The following CCSER1 variants were observed in gnomAD, a reference collection of about 807,000 sequenced individuals.
CCSER1 encodes serine-rich coiled-coil domain-containing protein 1.
A neutral mutation model predicts 82.0 loss-of-function variants in CCSER1; 41 were observed. The observed-to-expected ratio is 0.50, with a 90% CI of 0.39 to 0.65. The LOEUF is 0.65. CCSER1 is among the 30% of genes least tolerant of loss of function. The pLI, the probability that CCSER1 is intolerant of heterozygous loss-of-function variation, is 0.00. For missense variants in CCSER1, 1,119 were observed against 1,064.2 expected (o/e 1.05, Z -0.72); for synonymous variants, 414 against 383.9 (o/e 1.08, Z -0.92).
chr4:90,559,064 G>A (rs1382125423), intron 5 of CCSER1, among the ~76,000 whole-genome samples: 2 of 152,142 alleles, frequency 1.3e-5, no homozygotes, highest in Non-Finnish European at 2.9e-5. Context: ...GTCTGCCAGG[G>A]TCCATTGCAC....
intron 10 of CCSER1, among the ~76,000 whole-genome samples, chr4:91,321,456 T>C (rs1041521793): frequency 3.3e-5 from 5 of 152,058 alleles, no homozygotes; most frequent in East Asian, 3.9e-4. Context: ...AAGGTGCCGA[T>C]TGCAGCTTAA....
intron 8 of CCSER1, among the ~76,000 whole-genome samples, chr4:90,835,105 A>G (rs1053618175): frequency 2.0e-5 from 3 of 152,038 alleles, no homozygotes; most frequent in South Asian, 2.1e-4. Flanking sequence ...GCCGAGGCGG[A>G]TGGATCACGA....
At chr4:90,889,459 A>T (rs1561311227) in intron 8 of CCSER1, among the ~76,000 whole-genome samples, 1 of 152,156 alleles carries the variant, frequency 6.6e-6, no homozygotes, top group Non-Finnish European at 1.5e-5. Context: ...TACTCAGATG[A>T]TTAATTTCTG....
intron 7 of CCSER1, among the ~76,000 whole-genome samples, chr4:90,758,170 C>T (rs556631738): frequency 1.2e-3 from 184 of 152,228 alleles, no homozygotes; most frequent in African/African-American, 4.2e-3. Flanking sequence ...ACCCTGACCC[C>T]AGGTGATCCG....
At chr4:90,264,233 G>C (rs1280126971) in intron 1 of CCSER1, among the ~76,000 whole-genome samples, 1 of 152,224 alleles carries the variant, frequency 6.6e-6, no homozygotes, top group East Asian at 1.9e-4. Context: ...AAATGGCTTT[G>C]AGTGTTTTGA....
intron 6 of CCSER1, among the ~76,000 whole-genome samples, chr4:90,689,809 A>G (rs1735487126): frequency 6.6e-6 from 1 of 152,084 alleles, no homozygotes; most frequent in Non-Finnish European, 1.5e-5. Flanking sequence ...CTGGAGGGTA[A>G]ATTACAGGTC....
intron 10 of CCSER1, among the ~76,000 whole-genome samples, chr4:91,165,410 T>C (rs1382050104): frequency 6.6e-6 from 1 of 152,236 alleles, no homozygotes; most frequent in Non-Finnish European, 1.5e-5. Flanking sequence ...GGAGTCAGTC[T>C]GTCCTTCTTA....
intron 8 of CCSER1, among the ~76,000 whole-genome samples, chr4:90,911,688 T>C (rs1319372538): frequency 6.6e-6 from 1 of 152,184 alleles, no homozygotes; most frequent in Non-Finnish European, 1.5e-5. Context: ...AGGCATCGCC[T>C]CACCCAGGAA....
At chr4:91,150,112 C>A (rs1350534332) in intron 10 of CCSER1, among the ~76,000 whole-genome samples, 4 of 152,180 alleles carry the variant, frequency 2.6e-5, no homozygotes. Context: ...TATCCATGAG[C>A]ATGGAATGTT....
chr4:90,983,565 T>C (rs1736315253), intron 9 of CCSER1, among the ~76,000 whole-genome samples: 1 of 151,670 alleles, frequency 6.6e-6, no homozygotes, highest in Non-Finnish European at 1.5e-5. Context: ...ATTAATAATA[T>C]AGAGCCTTAA....
chr4:90,559,379 C>T (rs964786926), intron 5 of CCSER1, among the ~76,000 whole-genome samples: 2 of 152,118 alleles, frequency 1.3e-5, no homozygotes, highest in Admixed American at 6.5e-5. Context: ...AGCTGCAAAG[C>T]ACATCCAACA....
intron 10 of CCSER1, among the ~76,000 whole-genome samples, chr4:91,545,994 G>T (rs1218317202): frequency 6.6e-6 from 1 of 152,056 alleles, no homozygotes; most frequent in African/African-American, 2.4e-5. Context: ...TATCATGACT[G>T]GGTTTTTAAT....
chr4:90,187,445 A>C (rs1361711585), intron 1 of CCSER1, among the ~76,000 whole-genome samples: 1 of 150,700 alleles, frequency 6.6e-6, no homozygotes, highest in Non-Finnish European at 1.5e-5. Flanking sequence ...ACTCACACAC[A>C]CACACAAACT....
intron 5 of CCSER1, among the ~76,000 whole-genome samples, chr4:90,542,323 G>A (rs961995294): frequency 1.3e-5 from 2 of 152,010 alleles, no homozygotes; most frequent in Non-Finnish European, 2.9e-5. Context: ...TTAGGTTTGC[G>A]GATAATATTC....
At chr4:90,669,196 G>A (rs1289550054) in intron 6 of CCSER1, among the ~76,000 whole-genome samples, 2 of 152,024 alleles carry the variant, frequency 1.3e-5, no homozygotes, top group South Asian at 2.1e-4. Context: ...AAGGTATAAT[G>A]AGTGGTCATC....
At chr4:90,142,053 TG>T (rs1023934413) in intron 1 of CCSER1, among the ~76,000 whole-genome samples, 3 of 152,252 alleles carry the variant, frequency 2.0e-5, no homozygotes, top group African/African-American at 7.2e-5. Flanking sequence ...TTTGCTTTAC[TG>T]GCTCTAAATA....
chr4:90,377,673 G>A (rs1379891483), intron 3 of CCSER1, among the ~76,000 whole-genome samples: 1 of 152,014 alleles, frequency 6.6e-6, no homozygotes, highest in Non-Finnish European at 1.5e-5. Flanking sequence ...TACTAAAATT[G>A]TATTAATTAG....
At chr4:90,990,359 G>A (rs750062078) in intron 9 of CCSER1, among the ~76,000 whole-genome samples, 10 of 151,890 alleles carry the variant, frequency 6.6e-5, no homozygotes, top group Non-Finnish European at 1.2e-4. Context: ...AAAATACGAT[G>A]TACATAACCA....
At chr4:91,567,216 T>A (rs576864548) in intron 10 of CCSER1, among the ~76,000 whole-genome samples, 1 of 152,306 alleles carries the variant, frequency 6.6e-6, no homozygotes, top group Admixed American at 6.5e-5. Context: ...TGTCTTGACT[T>A]CTATTTTTAT....
Sources: allele counts gnomAD v4.1 joint callset (sites outside exome capture counted in the v4.1 genomes callset), GRCh38; gene constraint gnomAD v4.1.1; transcripts MANE v1.5; gene names NCBI Gene and HGNC (gene_info 2026-07-23, HGNC 2026-07-21).